The following PHACTR3 variants were observed in gnomAD, a reference collection of about 807,000 sequenced individuals.
PHACTR3 encodes the protein protein phosphatase 1, regulatory subunit 123.
In PHACTR3, 16 loss-of-function variants were observed where a neutral mutation model predicts 66.8. The observed-to-expected ratio is 0.24, with a 90% CI of 0.16 to 0.36. PHACTR3 has a LOEUF of 0.36. Among genes scored for constraint, PHACTR3 ranks in the 10% least tolerant of loss-of-function variants. PHACTR3 has a pLI of 1.00. For synonymous variants in PHACTR3, 323 were observed against 292.1 expected, an observed-to-expected ratio of 1.11 and a Z score of -1.08; for missense variants, 647 against 719.9, an observed-to-expected ratio of 0.90 and a Z score of 1.16.
chr20:59,723,487 T>TTTA (rs1156270804), intron 1 of PHACTR3, among the ~76,000 whole-genome samples: 1 of 152,146 alleles, frequency 6.6e-6, no homozygotes, highest in Non-Finnish European at 1.5e-5. Flanking sequence ...CCATACTCTC[T>TTTA]TTATCCATTC....
intron 1 of PHACTR3, among the ~76,000 whole-genome samples, chr20:59,700,351 T>C (rs1299414711): frequency 5.3e-5 from 8 of 152,248 alleles, no homozygotes; most frequent in Non-Finnish European, 1.2e-4. Flanking sequence ...TAACCATGTA[T>C]GCATCTTTAT....
chr20:59,605,396 C>A (rs1298726381), intron 1 of PHACTR3, among the ~76,000 whole-genome samples: 3 of 152,196 alleles, frequency 2.0e-5, no homozygotes, highest in South Asian at 2.1e-4. Flanking sequence ...GCCGTCCCCT[C>A]GAAGGAGGCT....
intron 1 of PHACTR3, 63 bp downstream of exon 1, chr20:59,605,195 C>A: frequency 8.6e-7 from 1 of 1,157,566 alleles, no homozygotes; most frequent in Non-Finnish European, 1.1e-6. Flanking sequence ...GCGCTGAGAG[C>A]AGGACCCCGC....
At chr20:59,718,329 C>T (rs2038171612) in intron 1 of PHACTR3, among the ~76,000 whole-genome samples, 1 of 152,170 alleles carries the variant, frequency 6.6e-6, no homozygotes, top group Non-Finnish European at 1.5e-5. Flanking sequence ...TCCTGCTGCC[C>T]AGCCCATCAT....
intron 8 of PHACTR3, among the ~76,000 whole-genome samples, chr20:59,818,304 A>C (rs1206790536): frequency 1.3e-5 from 2 of 152,180 alleles, no homozygotes; most frequent in African/African-American, 2.4e-5. Flanking sequence ...TTTTGGGGCC[A>C]CGGGAAGGAT....
At chr20:59,711,772 T>C (rs1014587627) in intron 1 of PHACTR3, among the ~76,000 whole-genome samples, 6 of 152,336 alleles carry the variant, frequency 3.9e-5, no homozygotes, top group African/African-American at 1.4e-4. Flanking sequence ...AAAAGTGTTA[T>C]GTAGAACCAT....
chr20:59,661,461 C>G (rs1003665478), intron 1 of PHACTR3, among the ~76,000 whole-genome samples: 3 of 152,176 alleles, frequency 2.0e-5, no homozygotes, highest in Non-Finnish European at 2.9e-5. Context: ...AGGAGACTCA[C>G]ATACTCTCCT....
At chr20:59,642,464 C>T in intron 1 of PHACTR3, among the ~76,000 whole-genome samples, 1 of 148,122 alleles carries the variant, frequency 6.8e-6, no homozygotes, top group South Asian at 2.3e-4. Flanking sequence ...GTGTGTTCCT[C>T]CAGTACTTTT....
At chr20:59,827,628 A>C (rs1436527827) in intron 8 of PHACTR3, among the ~76,000 whole-genome samples, 1 of 152,102 alleles carries the variant, frequency 6.6e-6, no homozygotes, top group Non-Finnish European at 1.5e-5. Flanking sequence ...GACAAGAGAC[A>C]CTGGAGAGTC....
At chr20:59,577,793 C>T (rs1450278724) in intron 1 of PHACTR3, among the ~76,000 whole-genome samples, 1 of 152,172 alleles carries the variant, frequency 6.6e-6, no homozygotes, top group African/African-American at 2.4e-5. Flanking sequence ...GGGCTTACCG[C>T]CCCCCTCCTC....
At chr20:59,793,166 G>T (rs1355594607) in intron 7 of PHACTR3, among the ~76,000 whole-genome samples, 6 of 152,128 alleles carry the variant, frequency 3.9e-5, no homozygotes, top group Non-Finnish European at 8.8e-5. Flanking sequence ...TGGGATTACA[G>T]GTGTGAGCCC....
chr20:59,666,369 G>C (rs548272015), intron 1 of PHACTR3, among the ~76,000 whole-genome samples: 13 of 152,260 alleles, frequency 8.5e-5, no homozygotes, highest in African/African-American at 3.1e-4. Context: ...CAGAAAGATA[G>C]GGTTGGACAT....
intron 1 of PHACTR3, among the ~76,000 whole-genome samples, chr20:59,713,017 G>T (rs1333105141): frequency 6.6e-6 from 1 of 152,168 alleles, no homozygotes; most frequent in Non-Finnish European, 1.5e-5. Flanking sequence ...AAATAATATT[G>T]GATCAGCCTG....
intron 4 of PHACTR3, among the ~76,000 whole-genome samples, chr20:59,764,407 G>C (rs760361651): frequency 6.6e-6 from 1 of 152,198 alleles, no homozygotes; most frequent in Non-Finnish European, 1.5e-5. Flanking sequence ...TCCTGGAGGA[G>C]ATGAGTCAGA....
intron 1 of PHACTR3, among the ~76,000 whole-genome samples, chr20:59,689,690 T>G (rs1360953536): frequency 2.0e-5 from 3 of 152,158 alleles, no homozygotes; most frequent in Non-Finnish European, 4.4e-5. Context: ...GATCCCAAAG[T>G]GGTAATCCCT....
chr20:59,739,451 A>G (rs1205412394), intron 1 of PHACTR3, among the ~76,000 whole-genome samples: 1 of 152,184 alleles, frequency 6.6e-6, no homozygotes, highest in East Asian at 1.9e-4. Flanking sequence ...AAAGTTTAGC[A>G]TGGTTGGGGA....
chr20:59,623,368 T>A (rs1016544601), intron 1 of PHACTR3, among the ~76,000 whole-genome samples: 21 of 152,036 alleles, frequency 1.4e-4, no homozygotes, highest in Non-Finnish European at 1.2e-4. Context: ...GCAGCTGTTG[T>A]GGGGGTTAAA....
intron 1 of PHACTR3, among the ~76,000 whole-genome samples, chr20:59,586,264 C>T (rs1276045257): frequency 1.3e-5 from 2 of 152,216 alleles, no homozygotes; most frequent in Admixed American, 1.3e-4. Flanking sequence ...TAAAAATAGA[C>T]TCTTCACTGG....
intron 7 of PHACTR3, among the ~76,000 whole-genome samples, chr20:59,785,738 G>A (rs1020218368): frequency 6.6e-6 from 1 of 152,206 alleles, no homozygotes; most frequent in Non-Finnish European, 1.5e-5. Flanking sequence ...GAGGAAGGCC[G>A]TGGTCAGCAG....
Sources: gnomAD v4.1 joint callset for allele counts (sites outside exome capture counted in the v4.1 genomes callset) on GRCh38, gnomAD v4.1.1 for gene constraint, MANE v1.5 for transcripts, NCBI Gene and HGNC (gene_info 2026-07-23, HGNC 2026-07-21) for gene names.